The following KCNH1 variants were observed in gnomAD, a reference collection of about 807,000 sequenced individuals.
The protein encoded by KCNH1 is potassium voltage-gated channel subfamily H member 1.
A neutral mutation model predicts 69.2 loss-of-function variants in KCNH1; 27 were observed. The ratio of observed to expected loss-of-function variants is 0.39; its 90% CI spans 0.29 to 0.54. The LOEUF (loss-of-function observed/expected upper bound fraction) is 0.54. KCNH1 is among the 20% of genes least tolerant of loss of function. The probability of loss-of-function intolerance (pLI) is 0.68; values close to 1 mark genes in which losing one functional copy is unlikely to be tolerated. For missense variants in KCNH1, 798 were observed against 1,261.6 expected (o/e 0.63, Z 5.57); for synonymous variants, 456 against 487.7 (o/e 0.93, Z 0.86).
intron 3 of KCNH1, among the ~76,000 whole-genome samples, chr1:211,100,239 G>A (rs745408660): frequency 2.6e-5 from 4 of 151,918 alleles, no homozygotes; most frequent in Non-Finnish European, 5.9e-5. Context: ...CACCTCCACC[G>A]CCTTCTCCAC....
chr1:211,061,252 CA>C (rs918230264), intron 5 of KCNH1, among the ~76,000 whole-genome samples: 2 of 152,018 alleles, frequency 1.3e-5, no homozygotes, highest in African/African-American at 4.8e-5. Flanking sequence ...TGATAAAATT[CA>C]ATATGCCTCA....
At chr1:210,918,590 G>A (rs1201998155) in intron 7 of KCNH1, among the ~76,000 whole-genome samples, 1 of 152,194 alleles carries the variant, frequency 6.6e-6, no homozygotes, top group Non-Finnish European at 1.5e-5. Flanking sequence ...CTATACAACA[G>A]TCAGTGGGTA....
In KCNH1 at chr1:211,084,450, G is replaced by A. The variant is rs181189241; in HGVS notation, c.440-1552C>T. Among the ~76,000 whole-genome samples, 686 of 152,288 alleles carry A rather than the reference G, an allele frequency of 4.5e-3. 3 individuals carry two copies. Among genetic ancestry groups the A allele is most frequent in the Non-Finnish European group, 5.0e-3 (337 of 68,026 alleles). ...TGACGAGAGGGAGCTGGCAGGGCAG[G>A]TGCCCCAAACCCCTTGGTTCATCAC... is the stretch of plus-strand genomic sequence containing the variant. On this transcript the variant is annotated intron_variant, in intron 4 of 10. Coordinates refer to ENST00000271751, the MANE Select transcript of KCNH1 (RefSeq NM_172362.3).
At chr1:210,704,300 A>G (rs1394955657) in intron 10 of KCNH1, among the ~76,000 whole-genome samples, 1 of 152,128 alleles carries the variant, frequency 6.6e-6, no homozygotes, top group Non-Finnish European at 1.5e-5. Flanking sequence ...TATCAACCTC[A>G]TTTCTAATAA....
chr1:210,942,040 G>T (rs1687885750), intron 6 of KCNH1, among the ~76,000 whole-genome samples: 1 of 152,182 alleles, frequency 6.6e-6, no homozygotes, highest in African/African-American at 2.4e-5. Flanking sequence ...TAGGCCTTCT[G>T]AGGATAAATC....
chr1:210,885,349 T>C (rs993430149), intron 7 of KCNH1, among the ~76,000 whole-genome samples: 1 of 152,194 alleles, frequency 6.6e-6, no homozygotes, highest in Admixed American at 6.5e-5. Flanking sequence ...CCTGAGGGAC[T>C]GTGCTGTGAG....
At chr1:211,098,698 A>G (rs950548641) in intron 3 of KCNH1, among the ~76,000 whole-genome samples, 1 of 152,234 alleles carries the variant, frequency 6.6e-6, no homozygotes, top group African/African-American at 2.4e-5. Context: ...TAAATAGGAT[A>G]TATAGGCAAA....
At chr1:210,918,591 T>TGTATAAATCAATCAAATTTA (rs1232714189) in intron 7 of KCNH1, among the ~76,000 whole-genome samples, 3 of 152,186 alleles carry the variant, frequency 2.0e-5, no homozygotes, top group Non-Finnish European at 4.4e-5. Flanking sequence ...TATACAACAG[T>TGTATAAATCAATCAAATTTA]CAGTGGGTAA....
chr1:210,834,988 C>T (rs569457886), intron 7 of KCNH1, among the ~76,000 whole-genome samples: 25 of 152,184 alleles, frequency 1.6e-4, no homozygotes, highest in Non-Finnish European at 3.5e-4. Context: ...GACACCCTCC[C>T]TGCCCCCACT....
chr1:211,121,505 C>T (rs1691683450), intron 1 of KCNH1, among the ~76,000 whole-genome samples: 1 of 152,184 alleles, frequency 6.6e-6, no homozygotes, highest in Non-Finnish European at 1.5e-5. Context: ...AGACCCCTTC[C>T]TTACACCTTA....
intron 7 of KCNH1, among the ~76,000 whole-genome samples, chr1:210,871,495 A>G (rs192385206): frequency 7.0e-4 from 107 of 152,292 alleles, no homozygotes; most frequent in Middle Eastern, 3.4e-3. Flanking sequence ...TCAGTGTGGC[A>G]ATTCCTCAGG....
chr1:210,823,471 G>A (rs1284417903), intron 7 of KCNH1, among the ~76,000 whole-genome samples: 1 of 152,120 alleles, frequency 6.6e-6, no homozygotes, highest in Admixed American at 6.6e-5. Context: ...CAAGTACAAT[G>A]TGCTCTCTCC....
intron 7 of KCNH1, among the ~76,000 whole-genome samples, chr1:210,832,499 A>C (rs1685183322): frequency 6.6e-6 from 1 of 152,180 alleles, no homozygotes. Context: ...AATATCAGTT[A>C]TTCCTACATT....
intron 7 of KCNH1, among the ~76,000 whole-genome samples, chr1:210,878,716 C>T (rs1383764124): frequency 6.6e-6 from 1 of 151,748 alleles, no homozygotes; most frequent in Non-Finnish European, 1.5e-5. Context: ...AAGCTTCCAC[C>T]TTAGGAAAGT....
At chr1:210,993,067 C>G (rs530722955) in intron 6 of KCNH1, among the ~76,000 whole-genome samples, 9 of 152,338 alleles carry the variant, frequency 5.9e-5, no homozygotes, top group Admixed American at 3.3e-4. Flanking sequence ...GGAGCACACA[C>G]TCCTTTCTCA....
chr1:210,946,082 G>T (rs955009744), intron 6 of KCNH1, among the ~76,000 whole-genome samples: 4 of 152,218 alleles, frequency 2.6e-5, no homozygotes, highest in Non-Finnish European at 5.9e-5. Context: ...TAGCATCCAT[G>T]TAGCACTTCA....
Position 211,033,902 on chromosome 1 carries a change from C to T in KCNH1, c.559-14646G>A, listed in dbSNP as rs192402257. ...CACGTTGTGCATGTGTACCCTAAAA[C>T]TTAAAGTATAATCAAAAAAAAAAAG... On this transcript the variant is annotated intron_variant, in intron 5 of 10. Coordinates refer to ENST00000271751, the MANE Select transcript of KCNH1 (RefSeq NM_172362.3). Among the ~76,000 whole-genome samples the T allele has an allele frequency of 1.2e-4, 18 of 149,678 alleles. No individual in the cohort carries two copies. The East Asian group carries it at 3.2e-3, about 27-fold the overall frequency.
intron 7 of KCNH1, among the ~76,000 whole-genome samples, chr1:210,845,488 T>C (rs1007445001): frequency 6.6e-6 from 1 of 152,242 alleles, no homozygotes. Context: ...CACATGATTA[T>C]CTCAATAGAT....
intron 6 of KCNH1, among the ~76,000 whole-genome samples, chr1:210,982,505 T>A (rs1175107586): frequency 6.6e-6 from 1 of 151,926 alleles, no homozygotes; most frequent in Non-Finnish European, 1.5e-5. Flanking sequence ...TACCTATGAG[T>A]GAGAACATGT....
Sources: gnomAD v4.1 joint callset for allele counts (sites outside exome capture counted in the v4.1 genomes callset) on GRCh38, gnomAD v4.1.1 for gene constraint, MANE v1.5 for transcripts, NCBI Gene and HGNC (gene_info 2026-07-23, HGNC 2026-07-21) for gene names.